Variants in YTHDC2 observed in about 807,000 individuals in gnomAD.
The protein encoded by YTHDC2 is 3'-5' RNA helicase YTHDC2.
YTHDC2 carries 45 observed loss-of-function variants against 174.9 expected under a neutral mutation model. The ratio of observed to expected loss-of-function variants is 0.26; its 90% CI spans 0.20 to 0.33. YTHDC2 has a LOEUF of 0.33. Ranked by LOEUF, YTHDC2 falls within the 10% of genes least tolerant of loss-of-function variation. The probability of loss-of-function intolerance (pLI) is 1.00; values close to 1 mark genes in which losing one functional copy is unlikely to be tolerated. For synonymous variants in YTHDC2, 657 were observed against 574.5 expected (o/e 1.14, Z -2.05); for missense variants, 1,650 against 1,723.7 (o/e 0.96, Z 0.76).
intron 9 of YTHDC2, among the ~76,000 whole-genome samples, chr5:113,541,426 C>T (rs536438714): frequency 9.2e-5 from 14 of 152,084 alleles, no homozygotes; most frequent in Non-Finnish European, 1.8e-4. Context: ...CTCCTGATCT[C>T]GTGATCCACC....
intron 25 of YTHDC2, chr5:113,582,106 C>T (rs17135735): frequency 0.045 from 6,905 of 153,680 alleles, 235 homozygotes; most frequent in Non-Finnish European, 0.069. Context: ...AGAACAACCT[C>T]CTTATAAGCC....
In YTHDC2 at chr5:113,534,389, T is replaced by C. The variant is rs1437557111; in HGVS notation, c.927T>C (p.Thr309=). The C allele has an allele frequency of 1.2e-6, 2 of 1,611,454 alleles. No homozygotes were observed. Among genetic ancestry groups the C allele is most frequent in the Non-Finnish European group, 1.7e-6 (2 of 1,178,278 alleles). The change falls in exon 6 of 30, where the codon ACT becomes ACC. Residue 309 remains threonine, a synonymous_variant. Transcript: ENST00000161863. The part of the protein sequence containing the change: ...TLMAGDSTLS[T]VTHVIVDEVH... ...TGGCAGGAGATAGTACGTTGTCGACTGTGACACATGTTATCGTGGTAAGAA... is the reference window on the plus strand; with the variant it reads ...TGGCAGGAGATAGTACGTTGTCGACCGTGACACATGTTATCGTGGTAAGAA...
intron 2 of YTHDC2, among the ~76,000 whole-genome samples, chr5:113,518,556 CGTGTGTGT>C (rs67062871): frequency 0.14 from 19,840 of 144,306 alleles, 1,438 homozygotes; most frequent in Non-Finnish European, 0.18. Context: ...AGTTAGTTTT[CGTGTGTGT>C]GTGTGTGTGT....
At chr5:113,563,557 T>C (rs1264194756) in intron 19 of YTHDC2, 65 bp downstream of exon 19, 2 of 1,487,128 alleles carry the variant, frequency 1.3e-6, no homozygotes, top group South Asian at 2.7e-5. Flanking sequence ...TAAAAGGAAA[T>C]ATGTCTTAAC....
chr5:113,561,957 GGTGTGTGTGTGTGTGTGT>G (rs70973686), intron 18 of YTHDC2, among the ~76,000 whole-genome samples: 18,329 of 134,906 alleles, frequency 0.14, 1,379 homozygotes, highest in Non-Finnish European at 0.19. Context: ...ATTAATTGTG[GGTGTGTGTGTGTGTGTGT>G]GTGTGTGTGT....
chr5:113,580,720 A>G (rs1561702179), intron 24 of YTHDC2, among the ~76,000 whole-genome samples: 1 of 152,212 alleles, frequency 6.6e-6, no homozygotes, highest in Middle Eastern at 3.4e-3. Flanking sequence ...TGTGACCTCT[A>G]TTATTTATCA....
At chr5:113,532,584 T>C (rs1014963402) in intron 4 of YTHDC2, among the ~76,000 whole-genome samples, 2 of 152,220 alleles carry the variant, frequency 1.3e-5, no homozygotes, top group Non-Finnish European at 2.9e-5. Flanking sequence ...ATTTTCTTTA[T>C]ATATTCAGGT....
In YTHDC2 at chr5:113,525,745, A is replaced by G. The variant is rs949841819; in HGVS notation, c.475+568A>G. Among the ~76,000 whole-genome samples the G allele has an allele frequency of 3.9e-5, 6 of 152,270 alleles. No homozygotes were observed. In the East Asian group the frequency reaches 7.7e-4, roughly 20 times the overall value. ...AGATAATGTATTTGGGTTATAAAAT[A>G]AAGATGTAATTTTACTATTTGGAAA... is the stretch of plus-strand genomic sequence containing the variant. On this transcript the variant is annotated intron_variant, in intron 3 of 29. Transcript: ENST00000161863.
At chr5:113,564,269 C>G in intron 20 of YTHDC2, 138 bp downstream of exon 20, 1 of 981,116 alleles carries the variant, frequency 1.0e-6, no homozygotes, top group African/African-American at 1.6e-5. Flanking sequence ...CATTAATAGT[C>G]CTGAAAAATA....
chr5:113,581,581 T>A lies in YTHDC2; in HGVS notation c.3519T>A (p.Ser1173=), dbSNP rs11748794. The part of the protein sequence containing the change: ...EEQSAGLQQP[S]GIGQRPRPMS... ...AGTCTGCAGGTTTACAACAACCATCTGGGATTGGCCAAAGGCCAAGGCCTA... is the reference window on the plus strand; with the variant it reads ...AGTCTGCAGGTTTACAACAACCATCAGGGATTGGCCAAAGGCCAAGGCCTA... Residue 1173 remains serine, a synonymous_variant, in exon 25 of 30, where the codon TCT becomes TCA. Coordinates refer to ENST00000161863, the MANE Select transcript of YTHDC2 (RefSeq NM_022828.5). 5 of 1,613,920 alleles carry A rather than the reference T, an allele frequency of 3.1e-6. No homozygotes were observed. Among genetic ancestry groups the A allele is most frequent in the South Asian group, 2.2e-5 (2 of 91,064 alleles).
At chr5:113,548,389 G>T in intron 10 of YTHDC2, 152 bp from the exon 11 acceptor site, 1 of 630,068 alleles carries the variant, frequency 1.6e-6, no homozygotes, top group South Asian at 2.2e-5. Context: ...TCTAAGTTAA[G>T]GGTTATGTAG....
At chr5:113,515,383 A>T (rs772604634) in intron 2 of YTHDC2, 21 bp downstream of exon 2, 27 of 1,572,778 alleles carry the variant, frequency 1.7e-5, no homozygotes, top group African/African-American at 1.5e-4. Context: ...AGCTTTTCTT[A>T]TTTTTTTTAA....
chr5:113,590,730 G>A (rs1298096808), intron 26 of YTHDC2, among the ~76,000 whole-genome samples: 7 of 152,128 alleles, frequency 4.6e-5, no homozygotes, highest in Non-Finnish European at 4.4e-5. Flanking sequence ...AGAAGTATTT[G>A]TTTTGTTTTC....
chr5:113,535,801 A>G lies in YTHDC2; in HGVS notation c.1102+3A>G. 7.0e-6 allele frequency: 11 copies of G among 1,569,778 alleles called. No homozygotes were observed. Among genetic ancestry groups the G allele is most frequent in the Non-Finnish European group, 9.5e-6 (11 of 1,158,482 alleles). On this transcript the variant is annotated splice_donor_region_variant and intron_variant, in intron 7 of 29. Coordinates refer to ENST00000161863, the MANE Select transcript of YTHDC2 (RefSeq NM_022828.5). ...TGGAAGTTGTCCAGTGATATATAGT[A>G]AGTTAAATTGTCAGATTTCTTCTAT...
At chr5:113,514,385 T>G (rs1316562133) in intron 1 of YTHDC2, 1 of 609,328 alleles carries the variant, frequency 1.6e-6, no homozygotes, top group African/African-American at 1.8e-5. Flanking sequence ...TTTCAGATAT[T>G]GGTTAGCCCT....
chr5:113,555,319 T>C (rs969432026), intron 16 of YTHDC2, among the ~76,000 whole-genome samples: 2 of 136,154 alleles, frequency 1.5e-5, no homozygotes, highest in African/African-American at 2.4e-5. Context: ...TCTAAAAATT[T>C]TATAAACTAT....
intron 2 of YTHDC2, among the ~76,000 whole-genome samples, chr5:113,520,420 C>A (rs1293458581): frequency 6.6e-6 from 1 of 151,312 alleles, no homozygotes; most frequent in East Asian, 1.9e-4. Context: ...ATGTAATATG[C>A]TAAATAAAAT....
At chr5:113,553,099 G>T (rs946627946) in intron 12 of YTHDC2, 82 bp from the exon 13 acceptor site, 12 of 1,290,772 alleles carry the variant, frequency 9.3e-6, no homozygotes, top group Non-Finnish European at 8.1e-6. Flanking sequence ...CTTCCTTAGG[G>T]AATATTGGAA....
chr5:113,572,093 G>A (rs1777759759), intron 23 of YTHDC2, among the ~76,000 whole-genome samples: 1 of 152,096 alleles, frequency 6.6e-6, no homozygotes, highest in Non-Finnish European at 1.5e-5. Flanking sequence ...CTAGCTTTCT[G>A]ATGTGTTCAT....
Sources: gnomAD v4.1 joint callset for allele counts (sites outside exome capture counted in the v4.1 genomes callset) on GRCh38, gnomAD v4.1.1 for gene constraint, MANE v1.5 for transcripts, NCBI Gene and HGNC (gene_info 2026-07-23, HGNC 2026-07-21) for gene names.